CCSER1: variants seen among roughly 807,000 people sequenced by gnomAD.
The protein encoded by CCSER1 is serine-rich coiled-coil domain-containing protein 1.
In CCSER1, 41 loss-of-function variants were observed where a neutral mutation model predicts 82.0. The observed-to-expected ratio is 0.50, with a 90% CI of 0.39 to 0.65. The LOEUF (loss-of-function observed/expected upper bound fraction) is 0.65. Ranked by LOEUF, CCSER1 falls within the 30% of genes least tolerant of loss-of-function variation. The pLI, the probability that CCSER1 is intolerant of heterozygous loss-of-function variation, is 0.00. For missense variants in CCSER1, 1,119 were observed against 1,064.2 expected (o/e 1.05, Z -0.72); for synonymous variants, 414 against 383.9 (o/e 1.08, Z -0.92).
chr4:90,184,465 A>G (rs1339843953), intron 1 of CCSER1, among the ~76,000 whole-genome samples: 7 of 152,078 alleles, frequency 4.6e-5, no homozygotes, highest in Non-Finnish European at 8.8e-5. Context: ...ATATTGCTGG[A>G]GCATGGAGGG....
intron 5 of CCSER1, among the ~76,000 whole-genome samples, chr4:90,530,212 A>C (rs1446742259): frequency 6.6e-6 from 1 of 152,184 alleles, no homozygotes; most frequent in Non-Finnish European, 1.5e-5. Flanking sequence ...CAGTGGAGAA[A>C]TATAGAACAC....
intron 7 of CCSER1, among the ~76,000 whole-genome samples, chr4:90,740,720 C>T (rs1027680120): frequency 6.6e-6 from 1 of 152,054 alleles, no homozygotes; most frequent in Non-Finnish European, 1.5e-5. Flanking sequence ...ATTTAAATTT[C>T]AATTAGTTTT....
intron 1 of CCSER1, among the ~76,000 whole-genome samples, chr4:90,154,741 C>T (rs1477453077): frequency 6.8e-6 from 1 of 147,602 alleles, no homozygotes; most frequent in Admixed American, 6.7e-5. Context: ...TATCCTGAGA[C>T]TTTGCTGAAG....
intron 4 of CCSER1, among the ~76,000 whole-genome samples, chr4:90,451,056 A>G (rs1343218197): frequency 6.6e-6 from 1 of 152,160 alleles, no homozygotes; most frequent in Admixed American, 6.5e-5. Context: ...GCCTTTTAAT[A>G]ATCTCATTTG....
intron 3 of CCSER1, among the ~76,000 whole-genome samples, chr4:90,334,477 A>G (rs1481852902): frequency 3.3e-5 from 5 of 152,142 alleles, no homozygotes; most frequent in African/African-American, 4.8e-5. Context: ...TATTGTGACT[A>G]CAGAACAGCA....
intron 10 of CCSER1, among the ~76,000 whole-genome samples, chr4:91,534,056 T>C (rs1397419004): frequency 9.2e-5 from 14 of 152,080 alleles, no homozygotes; most frequent in African/African-American, 3.1e-4. Context: ...CTGGCAACTG[T>C]AGATTATCTC....
At chr4:91,168,903 C>T (rs1209474809) in intron 10 of CCSER1, among the ~76,000 whole-genome samples, 2 of 152,082 alleles carry the variant, frequency 1.3e-5, no homozygotes, top group African/African-American at 2.4e-5. Flanking sequence ...ACCTTACCCC[C>T]AACCCCGTGC....
At chr4:91,346,218 T>C (rs1748046568) in intron 10 of CCSER1, among the ~76,000 whole-genome samples, 1 of 152,084 alleles carries the variant, frequency 6.6e-6, no homozygotes, top group African/African-American at 2.4e-5. Context: ...GGTTTCACCA[T>C]GTTGGCCAGG....
rs538495905 is a variant in CCSER1 at position 90,229,474 on chromosome 4, C to T, written c.-41-78770C>T. 2.6e-3 allele frequency among the ~76,000 whole-genome samples: 402 copies of T among 151,974 alleles called. 1 individual carries two copies. Among genetic ancestry groups the T allele is most frequent in the African/African-American group, 8.9e-3 (369 of 41,460 alleles). Reference sequence around the variant, plus strand: ...CTAAAAGTGCTCCTGAAGGAAGTGCCAAACATGGAAAGGAACAACTGATAC... The same window carrying T: ...CTAAAAGTGCTCCTGAAGGAAGTGCTAAACATGGAAAGGAACAACTGATAC... On this transcript the variant is annotated intron_variant, in intron 1 of 10. Coordinates refer to ENST00000509176, the MANE Select transcript of CCSER1 (RefSeq NM_001145065.2).
At chr4:91,502,490 T>G (rs1204200514) in intron 10 of CCSER1, among the ~76,000 whole-genome samples, 1 of 152,146 alleles carries the variant, frequency 6.6e-6, no homozygotes, top group East Asian at 1.9e-4. Context: ...ATTTCTTGTT[T>G]TCCAAGCCTC....
intron 10 of CCSER1, among the ~76,000 whole-genome samples, chr4:91,163,630 A>G (rs1036789016): frequency 2.6e-5 from 4 of 152,178 alleles, no homozygotes; most frequent in African/African-American, 9.7e-5. Context: ...TTGGGTACAT[A>G]TATATTTAGG....
chr4:90,792,565 C>T (rs1223698277), intron 7 of CCSER1, among the ~76,000 whole-genome samples: 1 of 152,214 alleles, frequency 6.6e-6, no homozygotes, highest in African/African-American at 2.4e-5. Context: ...AAGCCCTTGT[C>T]AGCACTGTGT....
intron 6 of CCSER1, among the ~76,000 whole-genome samples, chr4:90,652,770 T>C (rs1305189079): frequency 6.6e-6 from 1 of 152,176 alleles, no homozygotes; most frequent in Non-Finnish European, 1.5e-5. Context: ...CAATCATTTT[T>C]GCTAGCAATT....
At chr4:90,575,326 A>G (rs546209792) in intron 5 of CCSER1, among the ~76,000 whole-genome samples, 17 of 152,326 alleles carry the variant, frequency 1.1e-4, no homozygotes, top group African/African-American at 3.8e-4. Context: ...GAAAGGCATA[A>G]GAGTGTGAGG....
At chr4:91,309,114 A>T (rs1423145602) in intron 10 of CCSER1, among the ~76,000 whole-genome samples, 1 of 151,944 alleles carries the variant, frequency 6.6e-6, no homozygotes, top group Non-Finnish European at 1.5e-5. Flanking sequence ...TAAAAATAGC[A>T]ACATATTTTC....
chr4:91,005,584 TTAAG>T (rs962941544), intron 9 of CCSER1, among the ~76,000 whole-genome samples: 2 of 152,216 alleles, frequency 1.3e-5, no homozygotes, highest in African/African-American at 4.8e-5. Context: ...TAAAAAATGT[TTAAG>T]TAAGTATACA....
At chr4:90,284,127 G>GA (rs1175320349) in intron 1 of CCSER1, among the ~76,000 whole-genome samples, 2 of 151,974 alleles carry the variant, frequency 1.3e-5, no homozygotes, top group Non-Finnish European at 2.9e-5. Flanking sequence ...CTTTTTCTGA[G>GA]AAATGTCTGT....
chr4:91,374,042 G>T (rs568607466), intron 10 of CCSER1, among the ~76,000 whole-genome samples: 4 of 152,246 alleles, frequency 2.6e-5, no homozygotes, highest in African/African-American at 9.6e-5. Context: ...AAGTCACAGA[G>T]AAAAGTTTGA....
chr4:90,863,718 G>C (rs1354973505), intron 8 of CCSER1, among the ~76,000 whole-genome samples: 1 of 151,708 alleles, frequency 6.6e-6, no homozygotes, highest in African/African-American at 2.4e-5. Context: ...AAAAGGCAAA[G>C]AAAGAAAGGA....
Sources: allele counts gnomAD v4.1 joint callset (sites outside exome capture counted in the v4.1 genomes callset), GRCh38; gene constraint gnomAD v4.1.1; transcripts MANE v1.5; gene names NCBI Gene and HGNC (gene_info 2026-07-23, HGNC 2026-07-21).